Variants in SOS1 observed in about 807,000 individuals in gnomAD.
The protein encoded by SOS1 is SOS Ras/Rac guanine nucleotide exchange factor 1.
SOS1 carries 25 observed loss-of-function variants against 157.6 expected under a neutral mutation model. The ratio of observed to expected loss-of-function variants is 0.16; its 90% CI spans 0.12 to 0.22. The LOEUF (loss-of-function observed/expected upper bound fraction) is 0.22. Ranked by LOEUF, SOS1 falls within the 10% of genes least tolerant of loss-of-function variation. The pLI, the probability that SOS1 is intolerant of heterozygous loss-of-function variation, is 1.00. For missense variants in SOS1, 1,237 were observed against 1,599.1 expected (o/e 0.77, Z 3.86); for synonymous variants, 528 against 534.0 (o/e 0.99, Z 0.16).
chr2:39,105,764 G>C (rs957397058), intron 1 of SOS1, among the ~76,000 whole-genome samples: 1 of 152,096 alleles, frequency 6.6e-6, no homozygotes, highest in Non-Finnish European at 1.5e-5. Context: ...GCTGGGTGTA[G>C]TGGCAGGCAC....
At chr2:39,019,469 A>G (rs1669727608) in intron 10 of SOS1, among the ~76,000 whole-genome samples, 1 of 151,748 alleles carries the variant, frequency 6.6e-6, no homozygotes, top group South Asian at 2.1e-4. Context: ...CCATTGCCAG[A>G]TTTAGAATGA....
At chr2:38,994,711 G>C (rs552345913) in intron 20 of SOS1, among the ~76,000 whole-genome samples, 1 of 152,260 alleles carries the variant, frequency 6.6e-6, no homozygotes, top group South Asian at 2.1e-4. Context: ...GAACATTTTG[G>C]ATTTTGGGTT....
chr2:39,003,331 C>A (rs1353802976), intron 17 of SOS1, among the ~76,000 whole-genome samples: 2 of 152,054 alleles, frequency 1.3e-5, no homozygotes, highest in African/African-American at 2.4e-5. Context: ...AAGAAGGATG[C>A]TTTCTTAAAA....
At chr2:39,003,632 G>C (rs2124494289) in intron 17 of SOS1, among the ~76,000 whole-genome samples, 1 of 152,272 alleles carries the variant, frequency 6.6e-6, no homozygotes, top group South Asian at 2.1e-4. Flanking sequence ...AAAATAATAA[G>C]GGGAAATGCT....
chr2:39,033,473 T>C (rs1670238555), intron 8 of SOS1, among the ~76,000 whole-genome samples: 4 of 152,228 alleles, frequency 2.6e-5, no homozygotes, highest in Middle Eastern at 3.4e-3. Flanking sequence ...ATTAAGATGA[T>C]TGGGTTTTAT....
At chr2:39,109,537 G>C (rs145575515) in intron 1 of SOS1, among the ~76,000 whole-genome samples, 3 of 152,262 alleles carry the variant, frequency 2.0e-5, no homozygotes, top group African/African-American at 7.2e-5. Context: ...AAAAAGCTAA[G>C]GTTCAGGACA....
intron 9 of SOS1, 37 bp from the exon 10 acceptor site, chr2:39,023,262 G>T: frequency 7.2e-6 from 11 of 1,520,932 alleles, no homozygotes; most frequent in Non-Finnish European, 9.1e-6. Flanking sequence ...GTACATAGAT[G>T]ACAGAAAACC....
At chr2:39,016,784 C>T (rs1669646705) in intron 10 of SOS1, among the ~76,000 whole-genome samples, 1 of 151,994 alleles carries the variant, frequency 6.6e-6, no homozygotes, top group South Asian at 2.1e-4. Context: ...TTCTCAAATG[C>T]CATGAAAATC....
intron 1 of SOS1, among the ~76,000 whole-genome samples, chr2:39,115,963 T>C (rs1673634666): frequency 6.6e-6 from 1 of 151,658 alleles, no homozygotes; most frequent in African/African-American, 2.4e-5. Flanking sequence ...ACCAATAGTA[T>C]TCCACTGTTT....
chr2:39,023,830 T>C (rs1183803503), intron 9 of SOS1, 180 bp downstream of exon 9: 2 of 580,856 alleles, frequency 3.4e-6, no homozygotes, highest in African/African-American at 1.9e-5. Flanking sequence ...AATGCACAAA[T>C]ATGAAAGGTT....
chr2:39,033,158 C>T (rs1249980501), intron 8 of SOS1, among the ~76,000 whole-genome samples: 1 of 148,396 alleles, frequency 6.7e-6, no homozygotes, highest in African/African-American at 2.5e-5. Context: ...GCAACCTTCG[C>T]CTCCCAGGTT....
In SOS1 at chr2:39,039,427, T is replaced by C. The variant is rs553865413; in HGVS notation, c.865-3927A>G. On this transcript the variant is annotated intron_variant, in intron 6 of 22. Coordinates refer to ENST00000402219, the MANE Select transcript of SOS1 (RefSeq NM_005633.4). Reference sequence around the variant, plus strand: ...GCAGTGATTTTTCCCAGTTGTCCACTTCCTTGTCAACATTTGATACTATCA... The same window carrying C: ...GCAGTGATTTTTCCCAGTTGTCCACCTCCTTGTCAACATTTGATACTATCA... Among the ~76,000 whole-genome samples, 9 of 152,352 alleles carry C rather than the reference T, an allele frequency of 5.9e-5. No homozygotes were observed. In the East Asian group the frequency reaches 1.7e-3, roughly 29 times the overall value.
chr2:39,004,905 T>C (rs967385397), intron 17 of SOS1, among the ~76,000 whole-genome samples: 1 of 152,148 alleles, frequency 6.6e-6, no homozygotes, highest in Admixed American at 6.6e-5. Context: ...GGGATGAAAT[T>C]TGCTTTGTCA....
chr2:39,039,909 A>G (rs1192234106), intron 6 of SOS1, among the ~76,000 whole-genome samples: 5 of 152,238 alleles, frequency 3.3e-5, no homozygotes, highest in African/African-American at 1.2e-4. Context: ...ATGTAAATGG[A>G]ATCATACAAT....
At chr2:39,123,382 CAG>C (rs1673964336), upstream of SOS1, among the ~76,000 whole-genome samples, 1 of 146,202 alleles carries the variant, frequency 6.8e-6, no homozygotes, top group Non-Finnish European at 1.5e-5. Flanking sequence ...TTTTCTGAGA[CAG>C]AGTCTCATTT....
chr2:39,062,086 T>G (rs939859483), intron 2 of SOS1, among the ~76,000 whole-genome samples: 2 of 151,942 alleles, frequency 1.3e-5, no homozygotes, highest in African/African-American at 4.8e-5. Context: ...GATAAATTAT[T>G]TGGGGAATCT....
At chr2:38,996,119 T>C (rs1246677401) in intron 19 of SOS1, among the ~76,000 whole-genome samples, 1 of 152,176 alleles carries the variant, frequency 6.6e-6, no homozygotes, top group African/African-American at 2.4e-5. Context: ...AGTCTTGCTC[T>C]GTCTCCCAGG....
intron 17 of SOS1, among the ~76,000 whole-genome samples, chr2:39,004,207 A>G (rs1202738247): frequency 6.6e-6 from 1 of 152,084 alleles, no homozygotes; most frequent in African/African-American, 2.4e-5. Flanking sequence ...TGAAGTCAGG[A>G]GATCAAGACC....
chr2:39,054,046 G>C (rs1006880894), intron 5 of SOS1, among the ~76,000 whole-genome samples: 1 of 151,938 alleles, frequency 6.6e-6, no homozygotes, highest in Non-Finnish European at 1.5e-5. Context: ...TCCTGCCTCA[G>C]CCTCCCGAGT....
Sources: allele counts gnomAD v4.1 joint callset (sites outside exome capture counted in the v4.1 genomes callset), GRCh38; gene constraint gnomAD v4.1.1; transcripts MANE v1.5; gene names NCBI Gene and HGNC (gene_info 2026-07-23, HGNC 2026-07-21).